PTPN14: variants seen among roughly 807,000 people sequenced by gnomAD.
PTPN14 encodes the protein tyrosine-protein phosphatase non-receptor type 14.
PTPN14 carries 53 observed loss-of-function variants against 126.8 expected under a neutral mutation model. That is an observed-to-expected ratio of 0.42 (90% CI 0.34 to 0.53). PTPN14 has a LOEUF of 0.53. Among genes scored for constraint, PTPN14 ranks in the 20% least tolerant of loss-of-function variants. The probability of loss-of-function intolerance (pLI) is 0.08; values close to 1 mark genes in which losing one functional copy is unlikely to be tolerated. For missense variants in PTPN14, 1,257 were observed against 1,552.9 expected (o/e 0.81, Z 3.20); for synonymous variants, 630 against 599.3 (o/e 1.05, Z -0.75).
At chr1:214,374,366 GTT>G (rs923469342) in intron 15 of PTPN14, among the ~76,000 whole-genome samples, 4 of 152,332 alleles carry the variant, frequency 2.6e-5, no homozygotes, top group Non-Finnish European at 5.9e-5. Flanking sequence ...CTGGCTAGGA[GTT>G]TGGTTTATCC....
intron 4 of PTPN14, among the ~76,000 whole-genome samples, chr1:214,412,276 G>A (rs574483003): frequency 2.6e-5 from 4 of 152,260 alleles, no homozygotes; most frequent in East Asian, 1.9e-4. Context: ...TCATGTCACC[G>A]TGGTACAGTT....
Position 214,369,594 on chromosome 1 carries a change from CGAAACTTCGTGGTGACCTTGA to C in PTPN14, c.3113_3133del (p.Phe1038_Arg1045delinsTer). 1 of 1,614,140 alleles carries C rather than the reference CGAAACTTCGTGGTGACCTTGA, an allele frequency of 6.2e-7. No homozygotes were observed. On this transcript the variant is annotated stop_gained and inframe_deletion, in exon 17 of 19. Coordinates refer to ENST00000366956, the MANE Select transcript of PTPN14 (RefSeq NM_005401.5). LOFTEE classifies it high-confidence loss of function. ...GGTTGCATAGCAAACAGAATCCGTT[CGAAACTTCGTGGTGACCTTGA>C]ACTTGCCATAGGTGGCTGAGCTGTG...
intron 5 of PTPN14, among the ~76,000 whole-genome samples, chr1:214,407,804 CACA>C (rs150182951): frequency 0.017 from 2,557 of 152,246 alleles, 76 homozygotes; most frequent in African/African-American, 0.058. Context: ...TTGCCCAGAA[CACA>C]ACAAGATTCC....
chr1:214,457,216 G>GGTAAAACAGCTTTTA (rs1660403772), intron 2 of PTPN14, among the ~76,000 whole-genome samples: 1 of 151,962 alleles, frequency 6.6e-6, no homozygotes, highest in South Asian at 2.1e-4. Context: ...GATAGCTTTG[G>GGTAAAACAGCTTTTA]GTAAAACAGC....
At chr1:214,523,756 C>A (rs548560832) in intron 1 of PTPN14, among the ~76,000 whole-genome samples, 1 of 151,862 alleles carries the variant, frequency 6.6e-6, no homozygotes, top group Non-Finnish European at 1.5e-5. Context: ...CCTCCTCCTG[C>A]GGTGGCTGAC....
At chr1:214,398,041 T>TGAA in intron 7 of PTPN14, 40 bp from the exon 8 acceptor site, 1 of 1,459,756 alleles carries the variant, frequency 6.9e-7, no homozygotes, top group African/African-American at 1.4e-5. Context: ...ATGACCCATG[T>TGAA]TCACTGCAAC....
At chr1:214,488,177 A>G (rs936319278) in intron 1 of PTPN14, among the ~76,000 whole-genome samples, 2 of 152,344 alleles carry the variant, frequency 1.3e-5, no homozygotes, top group East Asian at 3.9e-4. Context: ...TGTACTGAGC[A>G]CAGATAATCT....
intron 2 of PTPN14, among the ~76,000 whole-genome samples, chr1:214,459,658 G>A (rs1036494988): frequency 1.1e-4 from 16 of 151,952 alleles, no homozygotes; most frequent in African/African-American, 3.9e-4. Context: ...TAGTAGGGAC[G>A]GGGTTTCACC....
At chr1:214,516,582 C>T (rs879842451) in intron 1 of PTPN14, among the ~76,000 whole-genome samples, 3 of 152,150 alleles carry the variant, frequency 2.0e-5, no homozygotes, top group Non-Finnish European at 4.4e-5. Context: ...AAAACAAACA[C>T]AAAATGTGGT....
intron 1 of PTPN14, among the ~76,000 whole-genome samples, chr1:214,543,131 T>C (rs1480521838): frequency 6.6e-6 from 1 of 152,218 alleles, no homozygotes; most frequent in Non-Finnish European, 1.5e-5. Flanking sequence ...GTTTGAATAA[T>C]GGGGTATTCT....
At chr1:214,436,961 G>T (rs1222833905) in intron 3 of PTPN14, among the ~76,000 whole-genome samples, 1 of 151,312 alleles carries the variant, frequency 6.6e-6, no homozygotes, top group South Asian at 2.1e-4. Context: ...AGTAGTCACA[G>T]ATGTCTGGAA....
intron 1 of PTPN14, among the ~76,000 whole-genome samples, chr1:214,517,487 T>TAAA (rs59698035): frequency 0.04 from 5,473 of 138,334 alleles, 348 homozygotes; most frequent in African/African-American, 0.13. Flanking sequence ...AGCATAATAT[T>TAAA]AAAAAAAAAA....
At chr1:214,439,102 T>C (rs562816965) in intron 3 of PTPN14, among the ~76,000 whole-genome samples, 2 of 152,352 alleles carry the variant, frequency 1.3e-5, no homozygotes, top group Admixed American at 6.5e-5. Flanking sequence ...GTTTTTTTTA[T>C]TGTTTTATTT....
intron 1 of PTPN14, among the ~76,000 whole-genome samples, chr1:214,496,041 C>A (rs966706547): frequency 2.0e-5 from 3 of 152,158 alleles, no homozygotes; most frequent in Admixed American, 6.5e-5. Context: ...ATAAACAACA[C>A]TTCATGTTTC....
intron 1 of PTPN14, chr1:214,530,019 G>A (rs1655499513): frequency 6.6e-6 from 1 of 152,152 alleles, no homozygotes. Context: ...GAAAAACAGA[G>A]CTGACTACAG....
chr1:214,478,849 T>C (rs1660922401), intron 1 of PTPN14, among the ~76,000 whole-genome samples: 1 of 152,170 alleles, frequency 6.6e-6, no homozygotes. Context: ...CTTTCACCAT[T>C]AGGTTATACC....
At chr1:214,489,496 C>T (rs1431657420) in intron 1 of PTPN14, among the ~76,000 whole-genome samples, 1 of 152,126 alleles carries the variant, frequency 6.6e-6, no homozygotes, top group African/African-American at 2.4e-5. Context: ...TTCATCCAGT[C>T]AACTCCTATT....
rs1309290129 is a variant in PTPN14, at chr1:214,350,259, T to C, written c.*7663A>G. On this transcript the variant is annotated 3_prime_UTR_variant, in exon 19 of 19. Coordinates refer to ENST00000366956, the MANE Select transcript of PTPN14 (RefSeq NM_005401.5). ...ATGGCCAGTCTGTGTAAAGAGGCTA[T>C]AATGACGAAAGCATTTTCCCTGCAG... 5 of 152,242 alleles carry C rather than the reference T, an allele frequency of 3.3e-5. No individual in the cohort carries two copies. The highest frequency in any genetic ancestry group is 7.3e-5 in the Non-Finnish European group (5 of 68,060). 9.4% of individuals were successfully genotyped at this position (152,242 alleles called of 1,614,324 possible). A position where few individuals can be genotyped will look rare whatever the true frequency, so the allele number is the denominator to read the frequency against.
chr1:214,533,383 C>T (rs147540280), intron 1 of PTPN14: 8 of 448,870 alleles, frequency 1.8e-5, no homozygotes, highest in Non-Finnish European at 2.9e-5. Context: ...AGCAACTCCA[C>T]GCAAACCATT....
Sources: gnomAD v4.1 joint callset for allele counts (sites outside exome capture counted in the v4.1 genomes callset) on GRCh38, gnomAD v4.1.1 for gene constraint, MANE v1.5 for transcripts, NCBI Gene and HGNC (gene_info 2026-07-23, HGNC 2026-07-21) for gene names.